The following IL17REL variants were observed in gnomAD, a reference collection of about 807,000 sequenced individuals.
IL17REL encodes the protein interleukin 17 receptor E like, also known as interleukin-17 receptor E-like protein.
IL17REL carries 36 observed loss-of-function variants against 49.0 expected under a neutral mutation model. The ratio of observed to expected loss-of-function variants is 0.73; its 90% CI spans 0.56 to 0.97. IL17REL has a LOEUF of 0.97. Ranked by LOEUF, IL17REL falls within the 50% of genes least tolerant of loss-of-function variation. IL17REL has a pLI of 0.00. For missense variants in IL17REL, 470 were observed against 453.9 expected, an observed-to-expected ratio of 1.04 and a Z score of -0.32; for synonymous variants, 206 against 192.4, an observed-to-expected ratio of 1.07 and a Z score of -0.58.
chr22:50,012,382 C>T (rs1277325102), upstream of IL17REL, among the ~76,000 whole-genome samples: 1 of 152,190 alleles, frequency 6.6e-6, no homozygotes, highest in East Asian at 1.9e-4. Context: ...AGGGTCAGGC[C>T]AGGTCTCCCA....
At position 50,000,872 on chromosome 22, in the gene IL17REL, A is replaced by T; in HGVS notation, c.110-9T>A. On this transcript the variant is annotated splice_polypyrimidine_tract_variant and intron_variant, in intron 2 of 12. Transcript: ENST00000341280. ...CAGGCCCCGCAGGCGCTCTGGGTGG[A>T]GGAAGGACCCGGCAGGGTGCATCAG... The T allele has an allele frequency of 6.5e-7, 1 of 1,531,624 alleles. No homozygotes were observed. The highest frequency in any genetic ancestry group is 2.1e-4 in the Middle Eastern group (1 of 4,694). The allele number at this position is 1,531,624 out of a possible 1,614,324, so 94.9% of individuals were successfully genotyped here. A position where few individuals can be genotyped will look rare whatever the true frequency, so the allele number is the denominator to read the frequency against.
exon 10 of IL17REL, chr22:49,997,712 A>G: frequency 6.2e-7 from 1 of 1,613,896 alleles, no homozygotes; most frequent in Non-Finnish European, 8.5e-7. Context: ...TCGAAAGGGC[A>G]CCGCACCCAG....
intron 1 of IL17REL, among the ~76,000 whole-genome samples, chr22:50,004,766 TAGG>T (rs1267014581): frequency 6.7e-6 from 1 of 148,384 alleles, no homozygotes; most frequent in African/African-American, 2.5e-5. Context: ...GAGGCTGAGG[TAGG>T]AGAGGAAGGG....
At chr22:50,012,129 TCCACTGCCAACA>T (rs1436500789), upstream of IL17REL, among the ~76,000 whole-genome samples, 1 of 152,120 alleles carries the variant, frequency 6.6e-6, no homozygotes, top group African/African-American at 2.4e-5. Context: ...CCCAGCCACC[TCCACTGCCAACA>T]TCTCATTCTC....
In IL17REL at chr22:49,999,505, G is replaced by A. The variant is rs747127037; in HGVS notation, c.475-3C>T. ...TGGGAGACGCTGTTGGCGGTCACCT[G>A]CAACCCAGAAAGGGCGGCTGAGGGG... On this transcript the variant is annotated splice_region_variant and splice_polypyrimidine_tract_variant and intron_variant, in intron 5 of 12. Coordinates refer to ENST00000341280, the Ensembl canonical transcript of IL17REL. The A allele has an allele frequency of 2.0e-6, 3 of 1,503,150 alleles. No individual in the cohort carries two copies. The highest frequency in any genetic ancestry group is 1.1e-5 in the South Asian group (1 of 89,236). The allele number at this position is 1,503,150 out of a possible 1,614,324, so 93.1% of individuals were successfully genotyped here.
intron 1 of IL17REL, among the ~76,000 whole-genome samples, chr22:50,002,987 G>C (rs1333837891): frequency 6.6e-6 from 1 of 152,216 alleles, no homozygotes; most frequent in Non-Finnish European, 1.5e-5. Flanking sequence ...CTCTGGGAAT[G>C]CGCCACTGTC....
exon 2 of IL17REL, chr22:50,001,229 T>A: frequency 7.4e-7 from 1 of 1,360,132 alleles, no homozygotes; most frequent in Non-Finnish European, 1.0e-6. Flanking sequence ...TTAAAAATGT[T>A]CCCTGGGGAG....
intron 7 of IL17REL, among the ~76,000 whole-genome samples, chr22:49,998,936 T>C (rs899632992): frequency 1.3e-5 from 2 of 151,920 alleles, no homozygotes; most frequent in African/African-American, 2.4e-5. Context: ...TCTGTGCATG[T>C]GTATGGGCGT....
At chr22:49,998,674 C>T (rs1029720889) in intron 7 of IL17REL, among the ~76,000 whole-genome samples, 6 of 143,044 alleles carry the variant, frequency 4.2e-5, no homozygotes, top group Admixed American at 1.4e-4. Context: ...TATGGGTGTG[C>T]GTGAGTGTGC....
At chr22:49,999,199 T>TA in intron 7 of IL17REL, 92 bp downstream of exon 9, 1 of 1,478,428 alleles carries the variant, frequency 6.8e-7, no homozygotes, top group South Asian at 1.1e-5. Flanking sequence ...GCCTGCTCCT[T>TA]ATCTCATCCC....
At chr22:50,000,764 C>T in exon 3 of IL17REL, 1 of 1,590,938 alleles carries the variant, frequency 6.3e-7, no homozygotes. Context: ...CTGCTGCCCC[C>T]CCTGCTGCCG....
Position 49,998,128 on chromosome 22 carries a change from G to A in IL17REL, c.774+9C>T. The stretch of plus-strand genomic sequence containing the variant: ...TGCCCACCCCCATCCCTGCTGAGCA[G>A]GCACTCACTCTGCGATGCACCAGCT... On this transcript the variant is annotated intron_variant, in intron 8 of 12. Coordinates refer to ENST00000341280, the Ensembl canonical transcript of IL17REL. The A allele has an allele frequency of 6.2e-7, 1 of 1,601,702 alleles. No individual in the cohort carries two copies. Among genetic ancestry groups the A allele is most frequent in the South Asian group, 1.1e-5 (1 of 89,902 alleles).
Position 49,997,816 on chromosome 22 carries a change from G to C in IL17REL, c.820-74C>G, listed in dbSNP as rs1237254480. The C allele has an allele frequency of 4.0e-6, 6 of 1,502,814 alleles. No individual in the cohort carries two copies. The Admixed American group carries it at 8.4e-5, about 21-fold the overall frequency. The allele number at this position is 1,502,814 out of a possible 1,614,324, so 93.1% of individuals were successfully genotyped here. A position where few individuals can be genotyped will look rare whatever the true frequency, so the allele number is the denominator to read the frequency against. ...GGGGCAGGGACAGGGGCAGGGACAG[G>C]GACAGGCTGGGTCAGCTTCAGGGTG... On this transcript the variant is annotated intron_variant, in intron 9 of 12. Coordinates refer to ENST00000341280, the Ensembl canonical transcript of IL17REL.
intron 5 of IL17REL, 76 bp from the exon 8 acceptor site, chr22:49,999,578 AACGG>A: frequency 8.5e-7 from 1 of 1,181,828 alleles, no homozygotes; most frequent in Non-Finnish European, 1.2e-6. Context: ...ACCTGCACCG[AACGG>A]GGCGGGAGCG....
In IL17REL at chr22:50,006,553, C is replaced by G. The variant is rs895978020; in HGVS notation, c.-42+2084G>C. 2.6e-5 allele frequency among the ~76,000 whole-genome samples: 4 copies of G among 152,212 alleles called. No homozygotes were observed. In the South Asian group the frequency reaches 8.3e-4, roughly 32 times the overall value. On this transcript the variant is annotated intron_variant, in intron 1 of 12. Transcript: ENST00000341280. ...AGGCGAAAAAACAGGCTTGAAAATACAGGCAGCAGGAAAGGCTGTGATGAG... is the reference window on the plus strand; with the variant it reads ...AGGCGAAAAAACAGGCTTGAAAATAGAGGCAGCAGGAAAGGCTGTGATGAG...
intron 1 of IL17REL, among the ~76,000 whole-genome samples, chr22:50,002,006 T>C (rs1412966725): frequency 6.6e-6 from 1 of 151,302 alleles, no homozygotes; most frequent in African/African-American, 2.4e-5. Flanking sequence ...GGCAGGAGAG[T>C]AAGGAATGAG....
chr22:49,998,943 G>T (rs4838838), intron 7 of IL17REL, among the ~76,000 whole-genome samples: 1 of 151,646 alleles, frequency 6.6e-6, no homozygotes, highest in Non-Finnish European at 1.5e-5. Context: ...ATGTGTATGG[G>T]CGTGTATGTT....
At chr22:49,997,908 G>A (rs932590520) in intron 9 of IL17REL, 117 bp downstream of exon 11, 1 of 1,451,426 alleles carries the variant, frequency 6.9e-7, no homozygotes, top group Non-Finnish European at 9.5e-7. Context: ...GGGGCTCTGA[G>A]GGACGCCTGG....
chr22:50,005,709 G>A (rs1271091215), intron 1 of IL17REL, among the ~76,000 whole-genome samples: 1 of 151,996 alleles, frequency 6.6e-6, no homozygotes, highest in Non-Finnish European at 1.5e-5. Context: ...AGAGGCTAAG[G>A]CAGGAGAATC....
Sources: allele counts gnomAD v4.1 joint callset (sites outside exome capture counted in the v4.1 genomes callset), GRCh38; gene constraint gnomAD v4.1.1; transcripts MANE v1.5; gene names NCBI Gene and HGNC (gene_info 2026-07-23, HGNC 2026-07-21).